The following SCML4 variants were observed in gnomAD, a reference collection of about 807,000 sequenced individuals.
The protein encoded by SCML4 is sex comb on midleg-like protein 4.
SCML4 carries 34 observed loss-of-function variants against 41.1 expected under a neutral mutation model. The ratio of observed to expected loss-of-function variants is 0.83; its 90% CI spans 0.63 to 1.10. SCML4 has a LOEUF of 1.10. SCML4 is among the 50% of genes least tolerant of loss of function. The pLI, the probability that SCML4 is intolerant of heterozygous loss-of-function variation, is 0.00. For synonymous variants in SCML4, 214 were observed against 220.9 expected (o/e 0.97, Z 0.28); for missense variants, 522 against 534.1 (o/e 0.98, Z 0.22).
intron 2 of SCML4, among the ~76,000 whole-genome samples, chr6:107,762,643 T>C (rs9400143): frequency 0.73 from 110,405 of 151,930 alleles, 41,560 homozygotes; most frequent in East Asian, 0.9. Flanking sequence ...AGATGGAAGA[T>C]GATGGGAAGA....
At chr6:107,812,686 A>G (rs1158915190) in intron 1 of SCML4, among the ~76,000 whole-genome samples, 1 of 152,120 alleles carries the variant, frequency 6.6e-6, no homozygotes. Flanking sequence ...TCCAGCAGGG[A>G]CATTTTCTTT....
At chr6:107,711,765 AT>A (rs1774244355) in intron 6 of SCML4, among the ~76,000 whole-genome samples, 1 of 152,228 alleles carries the variant, frequency 6.6e-6, no homozygotes. Context: ...CTACAGAAGA[AT>A]TCTAGTTAGA....
At chr6:107,802,717 TCTCCCTCTCCCC>T (rs1783286041) in intron 1 of SCML4, among the ~76,000 whole-genome samples, 1 of 136,764 alleles carries the variant, frequency 7.3e-6, no homozygotes, top group Non-Finnish European at 1.6e-5. Flanking sequence ...CTCCTCTCCC[TCTCCCTCTCCCC>T]CTCCCTCTCC....
intron 1 of SCML4, among the ~76,000 whole-genome samples, chr6:107,799,567 A>G (rs1406929876): frequency 6.6e-6 from 1 of 152,174 alleles, no homozygotes; most frequent in Non-Finnish European, 1.5e-5. Flanking sequence ...GTAATTATTG[A>G]TAGACAATAG....
At chr6:107,734,552 G>A (rs780403022) in intron 5 of SCML4, among the ~76,000 whole-genome samples, 20 of 152,274 alleles carry the variant, frequency 1.3e-4, no homozygotes, top group African/African-American at 3.9e-4. Flanking sequence ...TAAATTCTAC[G>A]AAATGCAGGC....
chr6:107,750,009 T>C (rs1778481899), intron 2 of SCML4, among the ~76,000 whole-genome samples, 196 bp from the exon 3 acceptor site: 1 of 152,112 alleles, frequency 6.6e-6, no homozygotes, highest in Non-Finnish European at 1.5e-5. Flanking sequence ...TCAGATCACC[T>C]CTCATTCCAC....
At chr6:107,760,333 C>T (rs1779485050) in intron 2 of SCML4, among the ~76,000 whole-genome samples, 1 of 152,150 alleles carries the variant, frequency 6.6e-6, no homozygotes, top group African/African-American at 2.4e-5. Context: ...TAATCTGGGC[C>T]ATGGGCATTG....
At chr6:107,798,170 C>A (rs1782848675) in intron 1 of SCML4, among the ~76,000 whole-genome samples, 1 of 151,868 alleles carries the variant, frequency 6.6e-6, no homozygotes, top group African/African-American at 2.4e-5. Context: ...TCCTCTGTCT[C>A]TGTTTTCTCA....
At chr6:107,798,664 C>T (rs1368248491) in intron 1 of SCML4, among the ~76,000 whole-genome samples, 2 of 152,012 alleles carry the variant, frequency 1.3e-5, no homozygotes, top group Non-Finnish European at 2.9e-5. Flanking sequence ...CTTTCTCTAG[C>T]TTCTTAAGGT....
At chr6:107,705,348 A>C in intron 7 of SCML4, 23 bp from the exon 8 acceptor site, 1 of 1,550,646 alleles carries the variant, frequency 6.4e-7, no homozygotes, top group Non-Finnish European at 8.7e-7. Context: ...GATCAGAAGA[A>C]AGATAAACCC....
At chr6:107,720,475 T>C (rs1775266209) in intron 6 of SCML4, 3 of 1,269,348 alleles carry the variant, frequency 2.4e-6, no homozygotes, top group Non-Finnish European at 3.0e-6. Flanking sequence ...GGAGTCTACG[T>C]ATCCTGTGGC....
intron 1 of SCML4, among the ~76,000 whole-genome samples, chr6:107,779,274 A>C (rs1781297833): frequency 2.6e-5 from 4 of 152,194 alleles, no homozygotes; most frequent in Admixed American, 2.6e-4. Context: ...AATAACATGC[A>C]AGACAGGTGG....
chr6:107,741,973 G>A (rs922711675), intron 5 of SCML4, among the ~76,000 whole-genome samples: 2 of 152,172 alleles, frequency 1.3e-5, no homozygotes, highest in Non-Finnish European at 2.9e-5. Context: ...ATGGTAACAC[G>A]TGAGCTCTCT....
chr6:107,714,339 C>T (rs999225555), intron 6 of SCML4, among the ~76,000 whole-genome samples: 4 of 152,050 alleles, frequency 2.6e-5, no homozygotes, highest in African/African-American at 9.7e-5. Flanking sequence ...CCAGCCATCC[C>T]TCCTCCCTAC....
chr6:107,771,328 T>C (rs1449877024), intron 2 of SCML4, among the ~76,000 whole-genome samples: 2 of 152,192 alleles, frequency 1.3e-5, no homozygotes, highest in Non-Finnish European at 2.9e-5. Flanking sequence ...GGTCTCAAGA[T>C]GGAAACATAA....
At chr6:107,814,987 C>A (rs1346919980) in intron 1 of SCML4, among the ~76,000 whole-genome samples, 1 of 152,226 alleles carries the variant, frequency 6.6e-6, no homozygotes, top group Admixed American at 6.5e-5. Flanking sequence ...CACTAGCAAG[C>A]ATCTTCCTAG....
chr6:107,779,377 A>G (rs1444257669), intron 1 of SCML4, among the ~76,000 whole-genome samples: 1 of 151,926 alleles, frequency 6.6e-6, no homozygotes, highest in Non-Finnish European at 1.5e-5. Context: ...AGCAGGTGAT[A>G]TCAGAGCTAG....
rs572991221 is a variant in SCML4 at position 107,793,980 on chromosome 6, AAAG to A, written c.-59-21597_-59-21595del. 7.2e-5 allele frequency among the ~76,000 whole-genome samples: 11 copies of A among 152,286 alleles called. No homozygotes were observed. The South Asian group carries it at 1.9e-3, about 26-fold the overall frequency. On this transcript the variant is annotated intron_variant, in intron 1 of 7. Coordinates refer to ENST00000369020, the MANE Select transcript of SCML4 (RefSeq NM_198081.5). ...CTAAACTAAAAAAACAAGCAAACAAAAAGAAGAAGAAGGCCAGTATAGAAAAAG... is the reference window on the plus strand; with the variant it reads ...CTAAACTAAAAAAACAAGCAAACAAAAAGAAGAAGGCCAGTATAGAAAAAG...
chr6:107,803,552 T>G (rs71556490), intron 1 of SCML4, among the ~76,000 whole-genome samples: 3 of 145,272 alleles, frequency 2.1e-5, no homozygotes, highest in East Asian at 4.1e-4. Context: ...GGAGGTGTAC[T>G]CAACAGCTCA....
Sources: gnomAD v4.1 joint callset for allele counts (sites outside exome capture counted in the v4.1 genomes callset) on GRCh38, gnomAD v4.1.1 for gene constraint, MANE v1.5 for transcripts, NCBI Gene and HGNC (gene_info 2026-07-23, HGNC 2026-07-21) for gene names.